BTD: variants seen among roughly 807,000 people sequenced by gnomAD.
BTD encodes the protein biocytinase.
Under a neutral mutation model 17.7 loss-of-function variants are expected in BTD, and 13 were observed. That is an observed-to-expected ratio of 0.74 (90% CI 0.48 to 1.17). The LOEUF (loss-of-function observed/expected upper bound fraction) is 1.17, where lower values mean the gene tolerates loss of function less well. BTD is among the 50% of genes most tolerant of loss of function. The pLI is 0.00. For missense variants in BTD, 674 were observed against 650.4 expected, an observed-to-expected ratio of 1.04 and a Z score of -0.39; for synonymous variants, 240 against 245.2, an observed-to-expected ratio of 0.98 and a Z score of 0.20.
intron 1 of BTD, among the ~76,000 whole-genome samples, chr3:15,614,293 C>G (rs1043277036): frequency 1.3e-5 from 2 of 151,770 alleles, no homozygotes; most frequent in African/African-American, 4.8e-5. Flanking sequence ...CCAGCTAATA[C>G]TTTTTTACTT....
intron 3 of BTD, among the ~76,000 whole-genome samples, chr3:15,697,638 C>T (rs2069841050): frequency 6.6e-6 from 1 of 152,052 alleles, no homozygotes; most frequent in African/African-American, 2.4e-5. Flanking sequence ...TGATATGCTG[C>T]TGGATTCAGT....
At chr3:15,602,758 T>G (rs1026408910) in intron 1 of BTD, among the ~76,000 whole-genome samples, 1 of 152,096 alleles carries the variant, frequency 6.6e-6, no homozygotes, top group African/African-American at 2.4e-5. Context: ...TCAAAAGGTC[T>G]TCCCCTCTTT....
chr3:15,612,661 G>T (rs780854858), intron 1 of BTD, among the ~76,000 whole-genome samples: 5 of 150,266 alleles, frequency 3.3e-5, no homozygotes, highest in Admixed American at 3.3e-4. Context: ...TTTATTTCTG[G>T]TGAGTTTTCT....
At chr3:15,722,031 C>A (rs2073788232) in exon 5 of BTD, among the ~76,000 whole-genome samples, 2 of 152,126 alleles carry the variant, frequency 1.3e-5, no homozygotes, top group Admixed American at 6.6e-5. Flanking sequence ...AGGCGTGAGA[C>A]CCTGTGCCCA....
intron 3 of BTD, among the ~76,000 whole-genome samples, chr3:15,643,902 A>G (rs1477184235): frequency 1.3e-5 from 2 of 150,194 alleles, no homozygotes; most frequent in African/African-American, 4.9e-5. Context: ...GAAAAAAAAA[A>G]AAAAGAAAAG....
intron 1 of BTD, among the ~76,000 whole-genome samples, chr3:15,606,037 T>A (rs1391095217): frequency 8.9e-6 from 1 of 112,820 alleles, no homozygotes; most frequent in Non-Finnish European, 1.7e-5. Flanking sequence ...AGCGAGACCC[T>A]GTCTCAAAAA....
intron 1 of BTD, among the ~76,000 whole-genome samples, chr3:15,609,531 C>CCAAT (rs1435547009): frequency 1.3e-5 from 2 of 152,122 alleles, no homozygotes; most frequent in Non-Finnish European, 2.9e-5. Flanking sequence ...AAGTATTGTA[C>CCAAT]CAATTTATAC....
At chr3:15,711,862 T>G (rs141638641) in exon 4 of BTD, among the ~76,000 whole-genome samples, 1 of 114,388 alleles carries the variant, frequency 8.7e-6, no homozygotes, top group Non-Finnish European at 2.2e-5. Flanking sequence ...AATTTTTTTT[T>G]GTATTTTTTT....
chr3:15,675,635 G>A (rs2066859396), intron 3 of BTD, among the ~76,000 whole-genome samples: 2 of 152,118 alleles, frequency 1.3e-5, no homozygotes, highest in African/African-American at 4.8e-5. Context: ...AAAATCTTTG[G>A]CTACTAAAAC....
chr3:15,668,423 CCTA>C (rs1330514569), intron 3 of BTD: 2 of 151,660 alleles, frequency 1.3e-5, no homozygotes, highest in South Asian at 2.1e-4. Flanking sequence ...TATTCACCTT[CCTA>C]CTACTAATAA....
chr3:15,668,856 T>G (rs958651202), intron 3 of BTD: 8 of 152,762 alleles, frequency 5.2e-5, no homozygotes, highest in Admixed American at 3.9e-4. Flanking sequence ...ACAAAAAGGA[T>G]AAAATGAAAT....
chr3:15,665,020 A>G (rs1244834644), intron 3 of BTD, among the ~76,000 whole-genome samples: 1 of 152,216 alleles, frequency 6.6e-6, no homozygotes, highest in African/African-American at 2.4e-5. Flanking sequence ...GTTTTAAAAA[A>G]TTAGTTTCAA....
At chr3:15,656,700 C>T (rs965283651), downstream of BTD, among the ~76,000 whole-genome samples, 3 of 152,130 alleles carry the variant, frequency 2.0e-5, no homozygotes, top group Non-Finnish European at 4.4e-5. Flanking sequence ...GAATCCTCTC[C>T]CTCCGGGCTG....
At chr3:15,678,432 C>G in intron 3 of BTD, 2 of 1,400,708 alleles carry the variant, frequency 1.4e-6, no homozygotes, top group Non-Finnish European at 9.6e-7. Flanking sequence ...TAATTTGTGA[C>G]ATGCTGTTTT....
At chr3:15,623,616 G>T (rs972230738) in intron 1 of BTD, among the ~76,000 whole-genome samples, 3 of 152,122 alleles carry the variant, frequency 2.0e-5, no homozygotes, top group Non-Finnish European at 4.4e-5. Flanking sequence ...ATATGGTTTG[G>T]CTCTGTGTTC....
intron 1 of BTD, among the ~76,000 whole-genome samples, chr3:15,608,136 A>T (rs535672657): frequency 6.6e-6 from 1 of 152,328 alleles, no homozygotes; most frequent in Non-Finnish European, 1.5e-5. Flanking sequence ...GTACCCTGTG[A>T]CCTAGAGAAA....
chr3:15,716,069 G>A (rs991436104), downstream of BTD, among the ~76,000 whole-genome samples: 9 of 149,152 alleles, frequency 6.0e-5, 1 homozygote, highest in Admixed American at 1.3e-4. Flanking sequence ...AGCAACCTCC[G>A]CCTCCCGGGT....
At chr3:15,709,039 C>CT (rs2071862370) in intron 3 of BTD, among the ~76,000 whole-genome samples, 1 of 152,146 alleles carries the variant, frequency 6.6e-6, no homozygotes. Flanking sequence ...AATTCCTACT[C>CT]TAAGTAACTT....
downstream of BTD, among the ~76,000 whole-genome samples, chr3:15,654,088 A>G (rs954663868): frequency 6.6e-6 from 1 of 152,370 alleles, no homozygotes; most frequent in South Asian, 2.1e-4. Flanking sequence ...ATTTAAATAC[A>G]CACACAACCC....
Sources: gnomAD v4.1 joint callset for allele counts (sites outside exome capture counted in the v4.1 genomes callset) on GRCh38, gnomAD v4.1.1 for gene constraint, MANE v1.5 for transcripts, NCBI Gene and HGNC (gene_info 2026-07-23, HGNC 2026-07-21) for gene names.